GPR55: variants seen among roughly 807,000 people sequenced by gnomAD.
GPR55 encodes the protein G protein-coupled receptor 55.
Under a neutral mutation model 7.9 loss-of-function variants are expected in GPR55, and 6 were observed. The ratio of observed to expected loss-of-function variants is 0.76; its 90% CI spans 0.41 to 1.49. GPR55 has a LOEUF of 1.49. Among genes scored for constraint, GPR55 ranks in the 40% most tolerant of loss-of-function variants. The pLI is 0.01. For missense variants in GPR55, 376 were observed against 406.0 expected, an observed-to-expected ratio of 0.93 and a Z score of 0.63; for synonymous variants, 183 against 166.8, an observed-to-expected ratio of 1.10 and a Z score of -0.75.
intron 1 of GPR55, among the ~76,000 whole-genome samples, chr2:230,918,922 G>A (rs960123700): frequency 1.2e-4 from 18 of 152,168 alleles, no homozygotes; most frequent in Non-Finnish European, 2.6e-4. Context: ...AAATAGTAGG[G>A]ACATTCTTGT....
chr2:230,928,557 T>A (rs1439280820), upstream of GPR55: 1 of 151,942 alleles, frequency 6.6e-6, no homozygotes, highest in Non-Finnish European at 1.5e-5. Context: ...TCAGAAAACG[T>A]TGTTTTAGGA....
chr2:230,925,740 C>A (rs563933535), upstream of GPR55, among the ~76,000 whole-genome samples: 1 of 152,150 alleles, frequency 6.6e-6, no homozygotes, highest in East Asian at 1.9e-4. Context: ...GCGTGCCTAG[C>A]GTCGGAGGAG....
rs565290475 is a variant in GPR55 at position 230,956,419 on chromosome 2, C to T, written c.-135+4356G>A. Among the ~76,000 whole-genome samples, 20 of 152,196 alleles carry T rather than the reference C, an allele frequency of 1.3e-4. No individual in the cohort carries two copies. The South Asian group carries it at 3.1e-3, about 24-fold the overall frequency. Reference sequence around the variant, plus strand: ...TGACCTCAAGTGATCCACCCGCCTCCAGCCTCCCAAAGTGTTGGGATTATA... The same window carrying T: ...TGACCTCAAGTGATCCACCCGCCTCTAGCCTCCCAAAGTGTTGGGATTATA... On this transcript the variant is annotated intron_variant, in intron 1 of 1. Transcript: ENST00000392039.
chr2:230,947,045 T>C (rs567876823), intron 1 of GPR55, among the ~76,000 whole-genome samples: 2 of 152,352 alleles, frequency 1.3e-5, no homozygotes, highest in Admixed American at 6.5e-5. Context: ...TGTATTCAAC[T>C]TTCTGACGGC....
intron 1 of GPR55, among the ~76,000 whole-genome samples, chr2:230,957,370 T>A (rs1281367337): frequency 6.6e-6 from 1 of 152,248 alleles, no homozygotes; most frequent in Non-Finnish European, 1.5e-5. Context: ...AGTCGATCAC[T>A]GACGGCCGGT....
chr2:230,941,212 C>G (rs978158819), intron 1 of GPR55, among the ~76,000 whole-genome samples: 1 of 152,200 alleles, frequency 6.6e-6, no homozygotes, highest in East Asian at 1.9e-4. Flanking sequence ...CAGCACCCCA[C>G]AGGAGCCCAC....
chr2:230,956,818 C>CGGTA (rs1691489267), intron 1 of GPR55, among the ~76,000 whole-genome samples: 1 of 152,064 alleles, frequency 6.6e-6, no homozygotes, highest in African/African-American at 2.4e-5. Context: ...GTCTCCCTAC[C>CGGTA]TTTTTTCGTC....
At chr2:230,956,873 GA>G (rs1339707802) in intron 1 of GPR55, among the ~76,000 whole-genome samples, 2 of 151,548 alleles carry the variant, frequency 1.3e-5, no homozygotes. Context: ...GACTATTCTG[GA>G]ATCTCTATTT....
At position 230,920,280 on chromosome 2, in the gene GPR55, C is replaced by T. The variant is rs576846135; in HGVS notation, c.-135+4888G>A. Among the ~76,000 whole-genome samples the T allele has an allele frequency of 1.2e-4, 18 of 152,030 alleles. No individual in the cohort carries two copies. The East Asian group carries it at 1.5e-3, about 13-fold the overall frequency. On this transcript the variant is annotated intron_variant, in intron 1 of 1. Coordinates refer to ENST00000650999, the MANE Select transcript of GPR55 (RefSeq NM_005683.4). ...GGTTTGTGTTTGAGGCATGGCAGGG[C>T]GCAAGGTTTACACAAAATTAAAAGT... is the stretch of plus-strand genomic sequence containing the variant.
chr2:230,928,781 A>C (rs932158437), upstream of GPR55, among the ~76,000 whole-genome samples: 2 of 152,162 alleles, frequency 1.3e-5, no homozygotes, highest in African/African-American at 4.8e-5. Context: ...CAACAGAGAG[A>C]GGAAGGCAGG....
At chr2:230,932,307 T>C (rs76270032) in intron 1 of GPR55, among the ~76,000 whole-genome samples, 3,814 of 152,306 alleles carry the variant, frequency 0.025, 147 homozygotes, top group African/African-American at 0.087. Context: ...CCTACATAAT[T>C]GGTGCTGAAG....
chr2:230,933,089 C>T (rs1044924353), intron 1 of GPR55, among the ~76,000 whole-genome samples: 1 of 82,726 alleles, frequency 1.2e-5, no homozygotes, highest in Non-Finnish European at 2.5e-5. Context: ...CTGCCTCTTC[C>T]CCCTTCCCTG....
chr2:230,959,448 CA>C (rs111365111), intron 1 of GPR55, among the ~76,000 whole-genome samples: 158 of 142,190 alleles, frequency 1.1e-3, no homozygotes, highest in Admixed American at 1.5e-3. Flanking sequence ...AACCCTGTCT[CA>C]AAAAAAAAAA....
At chr2:230,942,289 G>A (rs1574632919) in intron 1 of GPR55, among the ~76,000 whole-genome samples, 1 of 152,028 alleles carries the variant, frequency 6.6e-6, no homozygotes, top group East Asian at 1.9e-4. Flanking sequence ...TCCTTCTTCT[G>A]CCTCCTTCTC....
chr2:230,934,328 T>C (rs553991200), intron 1 of GPR55, among the ~76,000 whole-genome samples: 1 of 152,352 alleles, frequency 6.6e-6, no homozygotes, highest in South Asian at 2.1e-4. Flanking sequence ...CACCGAGTAC[T>C]GATTCCAGGT....
rs574987476 is a variant in GPR55, at chr2:230,933,633, T to A, written c.-134-22537A>T. On this transcript the variant is annotated intron_variant, in intron 1 of 1. Coordinates refer to the GPR55 transcript ENST00000392039. ...TCCCCTTAGGCTTTCAGAGCGGCCA[T>A]AGAGGTGGTGGCTGGACTCAGGGGA... Among the ~76,000 whole-genome samples the A allele has an allele frequency of 2.8e-3, 429 of 152,330 alleles. 3 individuals carry two copies. Among genetic ancestry groups the A allele is most frequent in the Non-Finnish European group, 4.9e-3 (334 of 68,014 alleles).
chr2:230,927,297 C>G (rs1326627083), upstream of GPR55, among the ~76,000 whole-genome samples: 3 of 152,142 alleles, frequency 2.0e-5, no homozygotes, highest in Non-Finnish European at 4.4e-5. Context: ...CCACCTCCCT[C>G]TCCTGTGGGT....
chr2:230,939,342 C>T (rs1463681306), intron 1 of GPR55, among the ~76,000 whole-genome samples: 1 of 152,108 alleles, frequency 6.6e-6, no homozygotes, highest in South Asian at 2.1e-4. Context: ...TGTCACAGGC[C>T]ATAGAAAGAA....
chr2:230,961,067 G>A (rs577279575), upstream of GPR55: 1 of 152,312 alleles, frequency 6.6e-6, no homozygotes, highest in African/African-American at 2.4e-5. Context: ...AGAGCATTCT[G>A]TTCTCCTTAA....
Sources: allele counts gnomAD v4.1 joint callset (sites outside exome capture counted in the v4.1 genomes callset), GRCh38; gene constraint gnomAD v4.1.1; transcripts MANE v1.5; gene names NCBI Gene and HGNC (gene_info 2026-07-23, HGNC 2026-07-21).